Variants in ADARB2 observed in about 807,000 individuals in gnomAD.
ADARB2 encodes inactive double-stranded RNA-specific editase B2.
In ADARB2, 25 loss-of-function variants were observed where a neutral mutation model predicts 62.2. The ratio of observed to expected loss-of-function variants is 0.40; its 90% CI spans 0.29 to 0.56. The LOEUF is 0.56. ADARB2 is among the 20% of genes least tolerant of loss of function. The probability of loss-of-function intolerance (pLI) is 0.43; values close to 1 mark genes in which losing one functional copy is unlikely to be tolerated. For missense variants in ADARB2, 1,071 were observed against 1,077.4 expected (o/e 0.99, Z 0.08); for synonymous variants, 572 against 500.8 (o/e 1.14, Z -1.90).
intron 3 of ADARB2, among the ~76,000 whole-genome samples, chr10:1,314,381 G>C (rs553497604): frequency 1.6e-4 from 24 of 152,138 alleles, no homozygotes; most frequent in Non-Finnish European, 3.4e-4. Flanking sequence ...ACAGACTATA[G>C]CTGGGGGCCC....
intron 1 of ADARB2, among the ~76,000 whole-genome samples, chr10:1,439,078 C>T (rs531996981): frequency 4.4e-5 from 6 of 136,366 alleles, no homozygotes; most frequent in East Asian, 2.3e-4. Context: ...TGATGGGGCT[C>T]CTGAATCTCC....
intron 1 of ADARB2, among the ~76,000 whole-genome samples, chr10:1,579,874 C>T (rs760160854): frequency 6.6e-6 from 1 of 152,180 alleles, no homozygotes. Context: ...GTGGCATTCT[C>T]TCCCCGAATC....
chr10:1,233,341 A>G (rs926036836), intron 6 of ADARB2, among the ~76,000 whole-genome samples: 1 of 152,210 alleles, frequency 6.6e-6, no homozygotes, highest in Admixed American at 6.5e-5. Context: ...AGCAAAGGCA[A>G]GCAGAGCCAG....
chr10:1,662,044 G>A (rs571540560), intron 1 of ADARB2, among the ~76,000 whole-genome samples: 3 of 152,292 alleles, frequency 2.0e-5, no homozygotes, highest in Admixed American at 1.3e-4. Flanking sequence ...AGTCCCCAGG[G>A]AGGTCCACAC....
rs1052379145 is a variant in ADARB2 at position 1,737,444 on chromosome 10, G to C, written c.-294C>G. The stretch of plus-strand genomic sequence containing the variant: ...GTCCTGAGTGCTCCGAGCTTCCCGC[G>C]GGCTCTGCCTCCTGCTCTGGGCTCC... On this transcript the variant is annotated 5_prime_UTR_variant, in exon 1 of 10. Transcript: ENST00000381312. 77 of 420,906 alleles carry C rather than the reference G, an allele frequency of 1.8e-4. No individual in the cohort carries two copies. The highest frequency in any genetic ancestry group is 7.0e-4 in the Admixed American group (19 of 27,074). The allele number at this position is 420,906 out of a possible 1,614,324, so 26.1% of individuals were successfully genotyped here.
At chr10:1,697,053 C>G (rs975276414) in intron 1 of ADARB2, among the ~76,000 whole-genome samples, 1 of 151,978 alleles carries the variant, frequency 6.6e-6, no homozygotes, top group Non-Finnish European at 1.5e-5. Flanking sequence ...TCTGATGTGG[C>G]CCAGGGAAGC....
At chr10:1,638,160 GA>G (rs1259698279) in intron 1 of ADARB2, among the ~76,000 whole-genome samples, 1 of 152,152 alleles carries the variant, frequency 6.6e-6, no homozygotes, top group Non-Finnish European at 1.5e-5. Context: ...CAATATAAAT[GA>G]AGCAACTTTT....
chr10:1,419,490 A>G (rs1159793407), intron 1 of ADARB2, among the ~76,000 whole-genome samples: 3 of 152,216 alleles, frequency 2.0e-5, no homozygotes, highest in African/African-American at 4.8e-5. Context: ...TGGCTCATGC[A>G]TATGCTCCCC....
At chr10:1,451,666 T>A (rs1200706177) in intron 1 of ADARB2, among the ~76,000 whole-genome samples, 2 of 33,828 alleles carry the variant, frequency 5.9e-5, no homozygotes, top group Admixed American at 7.2e-4. Flanking sequence ...GACACACCTG[T>A]ATAACAGGGG....
chr10:1,461,779 C>G (rs1245505021), intron 1 of ADARB2, among the ~76,000 whole-genome samples: 5 of 152,052 alleles, frequency 3.3e-5, no homozygotes, highest in African/African-American at 9.7e-5. Flanking sequence ...GCGGGCACAT[C>G]ACCTGAGACC....
intron 1 of ADARB2, among the ~76,000 whole-genome samples, chr10:1,660,337 T>A (rs936444254): frequency 6.6e-6 from 1 of 152,262 alleles, no homozygotes; most frequent in Non-Finnish European, 1.5e-5. Context: ...TCACTCTGTG[T>A]CAGAAATTAT....
chr10:1,729,219 T>G (rs1449789607), intron 1 of ADARB2, among the ~76,000 whole-genome samples: 1 of 152,236 alleles, frequency 6.6e-6, no homozygotes, highest in African/African-American at 2.4e-5. Flanking sequence ...ACCTAAGGAA[T>G]AGTAAAAGGT....
chr10:1,534,707 C>T (rs796608102), intron 1 of ADARB2: 16 of 163,838 alleles, frequency 9.8e-5, no homozygotes, highest in African/African-American at 1.4e-4. Flanking sequence ...TGTGCAGCCC[C>T]GTCACTGAGA....
chr10:1,335,727 T>A (rs1189882091), intron 3 of ADARB2, among the ~76,000 whole-genome samples: 1 of 152,166 alleles, frequency 6.6e-6, no homozygotes, highest in Non-Finnish European at 1.5e-5. Flanking sequence ...CCATCCTAAA[T>A]AGGAAATACT....
At chr10:1,434,747 T>C (rs1040204048) in intron 1 of ADARB2, among the ~76,000 whole-genome samples, 1 of 152,250 alleles carries the variant, frequency 6.6e-6, no homozygotes. Flanking sequence ...TCTTCAGGAC[T>C]CGACCTTAGT....
At chr10:1,466,445 A>G (rs913157565) in intron 1 of ADARB2, among the ~76,000 whole-genome samples, 4 of 152,136 alleles carry the variant, frequency 2.6e-5, no homozygotes, top group Non-Finnish European at 5.9e-5. Flanking sequence ...TATCTCCAGG[A>G]TGTGGGCAGC....
At position 1,224,798 on chromosome 10, in the gene ADARB2, G is replaced by A. The variant is rs533592749; in HGVS notation, c.1514-7679C>T. On this transcript the variant is annotated intron_variant, in intron 6 of 9. Transcript: ENST00000381312. ...CTGAGAGACAGTTTGTTATAATTTC[G>A]GTTCTTTTACATTTGCTGAGGAGAG... Among the ~76,000 whole-genome samples, 292 of 152,168 alleles carry A rather than the reference G, an allele frequency of 1.9e-3. 2 individuals are homozygous for A. The highest frequency in any genetic ancestry group is 6.6e-3 in the African/African-American group (273 of 41,510).
At chr10:1,228,419 A>T (rs575462926) in intron 6 of ADARB2, among the ~76,000 whole-genome samples, 1 of 152,332 alleles carries the variant, frequency 6.6e-6, no homozygotes, top group African/African-American at 2.4e-5. Flanking sequence ...GGGCTCTTTC[A>T]GAACTGCCTG....
At chr10:1,664,108 G>C (rs564056337) in intron 1 of ADARB2, among the ~76,000 whole-genome samples, 1 of 151,926 alleles carries the variant, frequency 6.6e-6, no homozygotes, top group African/African-American at 2.4e-5. Flanking sequence ...GTGCGGGTTT[G>C]TGTGTGTCCG....
Sources: gnomAD v4.1 joint callset for allele counts (sites outside exome capture counted in the v4.1 genomes callset) on GRCh38, gnomAD v4.1.1 for gene constraint, MANE v1.5 for transcripts, NCBI Gene and HGNC (gene_info 2026-07-23, HGNC 2026-07-21) for gene names.